CCDC171: variants seen among roughly 807,000 people sequenced by gnomAD.
The protein encoded by CCDC171 is coiled-coil domain-containing protein 171.
CCDC171 carries 177 observed loss-of-function variants against 168.2 expected under a neutral mutation model. The ratio of observed to expected loss-of-function variants is 1.05; its 90% CI spans 0.93 to 1.19. The LOEUF is 1.19. CCDC171 is among the 50% of genes most tolerant of loss of function. The probability of loss-of-function intolerance (pLI) is 0.00; values close to 1 mark genes in which losing one functional copy is unlikely to be tolerated. For missense variants in CCDC171, 1,991 were observed against 1,539.0 expected (o/e 1.29, Z -4.91); for synonymous variants, 687 against 540.8 (o/e 1.27, Z -3.75).
chr9:15,920,118 A>G, intron 24 of CCDC171, 152 bp from the exon 25 acceptor site: 1 of 450,578 alleles, frequency 2.2e-6, no homozygotes, highest in South Asian at 6.0e-5. Flanking sequence ...ACTGTTCTCA[A>G]TATAAAATGT....
the CCDC171 span, among the ~76,000 whole-genome samples, chr9:16,104,425 C>A: frequency 6.6e-6 from 1 of 152,142 alleles, no homozygotes; most frequent in Non-Finnish European, 1.5e-5. Flanking sequence ...TGCCTTTTGT[C>A]TTCCCAGCCT....
intron 7 of CCDC171, among the ~76,000 whole-genome samples, chr9:15,634,081 T>C (rs1015340064): frequency 6.6e-6 from 1 of 152,086 alleles, no homozygotes; most frequent in Admixed American, 6.5e-5. Flanking sequence ...TGCTAAATGA[T>C]GAGTTAATGG....
intron 18 of CCDC171, among the ~76,000 whole-genome samples, chr9:15,772,120 C>T (rs1314095003): frequency 6.6e-6 from 1 of 152,182 alleles, no homozygotes; most frequent in Non-Finnish European, 1.5e-5. Context: ...AGGCATAATT[C>T]ACCACGCCTG....
intron 8 of CCDC171, 55 bp from the exon 9 acceptor site, chr9:15,666,108 A>T: frequency 6.7e-7 from 1 of 1,490,848 alleles, no homozygotes; most frequent in South Asian, 1.2e-5. Flanking sequence ...ACTCAATTTA[A>T]GATTGATGCT....
rs1831533518 is a variant in CCDC171, at chr9:15,973,694, A to G, written c.*1858A>G. The G allele has an allele frequency of 6.6e-6, 1 of 152,162 alleles. No individual in the cohort carries two copies. The allele number at this position is 152,162 out of a possible 1,614,324, so 9.4% of individuals were successfully genotyped here. ...TGGAAGTGCTATTTATTGTTTTTAT[A>G]CAGATCATATAATTTCTGCACATTT... On this transcript the variant is annotated 3_prime_UTR_variant, in exon 26 of 26. Transcript: ENST00000380701.
At chr9:16,042,263 AG>A (rs779782738), upstream of CCDC171, among the ~76,000 whole-genome samples, 71 of 152,306 alleles carry the variant, frequency 4.7e-4, no homozygotes, top group Non-Finnish European at 7.6e-4. Flanking sequence ...TTTTGCAGCC[AG>A]GCAGGTGTGA....
intron 25 of CCDC171, among the ~76,000 whole-genome samples, chr9:15,943,089 T>G (rs1387923502): frequency 6.6e-6 from 1 of 151,954 alleles, no homozygotes; most frequent in African/African-American, 2.4e-5. Flanking sequence ...AGATTTTGTG[T>G]TTCGTATCAA....
intron 21 of CCDC171, among the ~76,000 whole-genome samples, chr9:15,813,876 A>G (rs2059456773): frequency 6.6e-6 from 1 of 152,208 alleles, no homozygotes; most frequent in African/African-American, 2.4e-5. Flanking sequence ...TGGTGCACAC[A>G]CAATTTTTTA....
intron 11 of CCDC171, among the ~76,000 whole-genome samples, chr9:15,699,914 A>G (rs915958024): frequency 2.0e-5 from 3 of 152,176 alleles, no homozygotes; most frequent in Non-Finnish European, 2.9e-5. Context: ...TGGTGTATTT[A>G]TATTCCCTGA....
At chr9:15,581,056 T>A (rs1157913665) in intron 4 of CCDC171, among the ~76,000 whole-genome samples, 1 of 152,208 alleles carries the variant, frequency 6.6e-6, no homozygotes, top group Non-Finnish European at 1.5e-5. Context: ...CAAAATCTCC[T>A]TAAGCTGATA....
intron 16 of CCDC171, among the ~76,000 whole-genome samples, chr9:15,743,221 AG>A (rs2055017144): frequency 7.5e-6 from 1 of 132,974 alleles, no homozygotes. Context: ...GCTGGAGTGC[AG>A]TGGCATAATC....
At chr9:15,609,658 C>T (rs901341367) in intron 6 of CCDC171, among the ~76,000 whole-genome samples, 2 of 152,024 alleles carry the variant, frequency 1.3e-5, no homozygotes, top group Non-Finnish European at 2.9e-5. Flanking sequence ...AGATTTTGTT[C>T]TTGGGTACTC....
At chr9:15,624,138 G>C (rs977559821) in intron 7 of CCDC171, among the ~76,000 whole-genome samples, 1 of 152,070 alleles carries the variant, frequency 6.6e-6, no homozygotes, top group African/African-American at 2.4e-5. Flanking sequence ...ACTTAACACT[G>C]TTAAGAACAG....
chr9:15,585,308 C>T (rs1007598364), intron 4 of CCDC171, among the ~76,000 whole-genome samples: 1 of 152,186 alleles, frequency 6.6e-6, no homozygotes, highest in Non-Finnish European at 1.5e-5. Context: ...CTAGCAACTC[C>T]ATTCATGGTG....
intron 1 of CCDC171, among the ~76,000 whole-genome samples, chr9:16,059,351 G>A (rs75619793): frequency 0.013 from 2,001 of 152,230 alleles, 48 homozygotes; most frequent in African/African-American, 0.045. Flanking sequence ...TAGAAACTAC[G>A]GCCCAATTAG....
intron 18 of CCDC171, among the ~76,000 whole-genome samples, chr9:15,759,100 C>T (rs1050063803): frequency 2.0e-5 from 3 of 152,030 alleles, no homozygotes; most frequent in East Asian, 1.9e-4. Context: ...CAATGTATTT[C>T]GTCTCCCTCC....
intron 7 of CCDC171, among the ~76,000 whole-genome samples, chr9:15,643,537 A>G (rs1327055196): frequency 2.0e-5 from 3 of 152,164 alleles, no homozygotes; most frequent in Admixed American, 6.5e-5. Flanking sequence ...TTGACATTCC[A>G]ATCAGGGATT....
At chr9:15,909,398 GCGTA>G (rs1012080019) in intron 24 of CCDC171, among the ~76,000 whole-genome samples, 22 of 56,080 alleles carry the variant, frequency 3.9e-4, no homozygotes, top group Admixed American at 2.9e-3. Context: ...ATGTACATGT[GCGTA>G]CACACACACA....
intron 18 of CCDC171, among the ~76,000 whole-genome samples, chr9:15,766,252 C>T (rs1414582726): frequency 2.0e-5 from 3 of 151,986 alleles, no homozygotes; most frequent in African/African-American, 4.8e-5. Context: ...TGTTAAAGTC[C>T]CTTGTCTCTC....
Sources: allele counts gnomAD v4.1 joint callset (sites outside exome capture counted in the v4.1 genomes callset), GRCh38; gene constraint gnomAD v4.1.1; transcripts MANE v1.5; gene names NCBI Gene and HGNC (gene_info 2026-07-23, HGNC 2026-07-21).